Variants in ANK1 observed in about 807,000 individuals in gnomAD.
ANK1 encodes the protein ankyrin-1.
In ANK1, 51 loss-of-function variants were observed where a neutral mutation model predicts 210.4. The ratio of observed to expected loss-of-function variants is 0.24; its 90% CI spans 0.19 to 0.31. The LOEUF (loss-of-function observed/expected upper bound fraction) is 0.31, where lower values mean the gene tolerates loss of function less well. Among genes scored for constraint, ANK1 ranks in the 10% least tolerant of loss-of-function variants. The pLI is 1.00. For synonymous variants in ANK1, 967 were observed against 1,025.9 expected, an observed-to-expected ratio of 0.94 and a Z score of 1.10; for missense variants, 2,051 against 2,504.4, an observed-to-expected ratio of 0.82 and a Z score of 3.86.
At chr8:41,713,171 C>T (rs72638994) in intron 16 of ANK1, among the ~76,000 whole-genome samples, 3,047 of 152,364 alleles carry the variant, frequency 0.02, 38 homozygotes, top group Non-Finnish European at 0.027. Flanking sequence ...TCCTTCTCTG[C>T]AGCACTTGGA....
intron 1 of ANK1, chr8:41,829,440 T>C (rs1806159007): frequency 6.6e-6 from 1 of 152,202 alleles, no homozygotes; most frequent in Non-Finnish European, 1.5e-5. Flanking sequence ...AGAGGTTAAG[T>C]GCTACTTGCT....
intron 1 of ANK1, among the ~76,000 whole-genome samples, chr8:41,849,838 A>G (rs1463625581): frequency 6.6e-6 from 1 of 152,196 alleles, no homozygotes; most frequent in Non-Finnish European, 1.5e-5. Flanking sequence ...ACCACGCTGA[A>G]GTTTGAGAAA....
At chr8:41,886,468 T>C (rs1372535254) in intron 1 of ANK1, among the ~76,000 whole-genome samples, 1 of 152,212 alleles carries the variant, frequency 6.6e-6, no homozygotes, top group African/African-American at 2.4e-5. Context: ...GCCACAGCTC[T>C]TCATTACTGC....
At chr8:41,852,170 C>A (rs1811374564) in intron 1 of ANK1, among the ~76,000 whole-genome samples, 1 of 152,086 alleles carries the variant, frequency 6.6e-6, no homozygotes, top group Non-Finnish European at 1.5e-5. Flanking sequence ...GGGTTCTGGG[C>A]CTTGGAGGGA....
chr8:41,758,704 G>A (rs1012932675), intron 1 of ANK1, among the ~76,000 whole-genome samples: 1 of 151,994 alleles, frequency 6.6e-6, no homozygotes, highest in African/African-American at 2.4e-5. Context: ...CAGCCTTTGA[G>A]GGGGAGCCCA....
intron 35 of ANK1, among the ~76,000 whole-genome samples, chr8:41,687,038 C>A (rs1817871077): frequency 6.6e-6 from 1 of 152,034 alleles, no homozygotes; most frequent in Non-Finnish European, 1.5e-5. Flanking sequence ...AGCCAGCAGT[C>A]ATGATTAAAA....
chr8:41,692,742 C>A lies in ANK1; in HGVS notation c.3764G>T (p.Arg1255Leu). 1 of 1,614,048 alleles carries A rather than the reference C, an allele frequency of 6.2e-7. No individual in the cohort carries two copies. Among genetic ancestry groups the A allele is most frequent in the Non-Finnish European group, 8.5e-7 (1 of 1,180,020 alleles). ...ATCTGTCATGCAGTAGCAGCGCAGG[C>A]GCCCCTCTCGGGGGTCATTCATCTT... ...FAKMNDPREG[R>L]LRCYCMTDDK... The change falls in exon 31 of 43, where the codon CGC (arginine) becomes CTC (leucine). Residue 1255 changes from arginine (R) to leucine (L), a missense_variant. Around this residue, in one of 6 missense-constraint regions of ANK1, gnomAD observed 1,413 missense variants for 1,707.4 expected, o/e 0.83. Transcript: ENST00000289734.
At chr8:41,763,889 CTT>C (rs869100297) in intron 1 of ANK1, among the ~76,000 whole-genome samples, 735 of 57,860 alleles carry the variant, frequency 0.013, 4 homozygotes, top group South Asian at 0.029. Flanking sequence ...TTCTTTTTTT[CTT>C]TTTTTTTTTT....
intron 1 of ANK1, among the ~76,000 whole-genome samples, chr8:41,863,356 C>T (rs1813676002): frequency 6.6e-6 from 1 of 151,296 alleles, no homozygotes; most frequent in Admixed American, 6.6e-5. Flanking sequence ...AAGACTCCAT[C>T]TCATTAAAAA....
intron 25 of ANK1, 21 bp from the exon 26 acceptor site, chr8:41,696,608 C>T (rs763480586): frequency 1.6e-5 from 25 of 1,612,896 alleles, no homozygotes; most frequent in South Asian, 2.2e-5. Flanking sequence ...GGCAGATGCA[C>T]GTTGGGCTTC....
Position 41,695,580 on chromosome 8 carries a change from G to A in ANK1, c.2961-249C>T, listed in dbSNP as rs1017620266. Among the ~76,000 whole-genome samples, 11 of 152,348 alleles carry A rather than the reference G, an allele frequency of 7.2e-5. No homozygotes were observed. The East Asian group carries it at 9.6e-4, about 13-fold the overall frequency. ...GGGCAGGACCAGTCTCATTTCATGC[G>A]GGCTCTGCTCCTACGACCTAAAGAT... On this transcript the variant is annotated intron_variant, in intron 26 of 42. Coordinates refer to ENST00000289734, the MANE Select transcript of ANK1 (RefSeq NM_000037.4).
chr8:41,702,167 G>A (rs766250071), intron 20 of ANK1, 23 bp from the exon 21 acceptor site: 1 of 1,599,936 alleles, frequency 6.3e-7, no homozygotes, highest in South Asian at 1.1e-5. Context: ...CAGCCCGGGT[G>A]CAGTCAGACA....
At chr8:41,868,457 C>T (rs1019621411) in intron 1 of ANK1, among the ~76,000 whole-genome samples, 4 of 152,224 alleles carry the variant, frequency 2.6e-5, no homozygotes, top group East Asian at 3.8e-4. Context: ...ATTATTCAGG[C>T]GTGGTTTGTC....
intron 1 of ANK1, among the ~76,000 whole-genome samples, chr8:41,826,902 C>T (rs918898647): frequency 9.9e-5 from 15 of 152,138 alleles, no homozygotes; most frequent in African/African-American, 3.4e-4. Context: ...TAAATCTTTC[C>T]CTGCCTTTAA....
intron 2 of ANK1, among the ~76,000 whole-genome samples, chr8:41,743,420 CA>C (rs1237463926): frequency 2.0e-5 from 3 of 152,190 alleles, no homozygotes; most frequent in African/African-American, 7.2e-5. Flanking sequence ...TTTCTTTCCT[CA>C]AATCGCCTAC....
At chr8:41,789,803 T>A (rs1340611846) in intron 1 of ANK1, among the ~76,000 whole-genome samples, 2 of 152,160 alleles carry the variant, frequency 1.3e-5, no homozygotes, top group Non-Finnish European at 2.9e-5. Context: ...GTCACCTACA[T>A]CCCAAGATAG....
At chr8:41,695,445 G>C (rs1218064694) in intron 26 of ANK1, 114 bp from the exon 27 acceptor site, 10 of 1,440,912 alleles carry the variant, frequency 6.9e-6, no homozygotes, top group Non-Finnish European at 9.7e-6. Flanking sequence ...CCGCAGCCAC[G>C]TGGAGGCCCC....
chr8:41,821,365 A>C (rs1804231151), intron 1 of ANK1, among the ~76,000 whole-genome samples: 1 of 152,176 alleles, frequency 6.6e-6, no homozygotes, highest in Admixed American at 6.5e-5. Flanking sequence ...CTTAGGGAGT[A>C]CTTTGTTGTA....
At chr8:41,668,237 A>C (rs911749927) in intron 39 of ANK1, 30 bp downstream of exon 39, 3 of 1,613,830 alleles carry the variant, frequency 1.9e-6, no homozygotes, top group Non-Finnish European at 1.7e-6. Flanking sequence ...GGGAAGGAAC[A>C]GCAGCACGCA....
Sources: allele counts gnomAD v4.1 joint callset (sites outside exome capture counted in the v4.1 genomes callset), GRCh38; gene constraint gnomAD v4.1.1; regional missense constraint gnomAD v4.1.1; transcripts MANE v1.5; gene names NCBI Gene and HGNC (gene_info 2026-07-23, HGNC 2026-07-21).